The following PPP3CA variants were observed in gnomAD, a reference collection of about 807,000 sequenced individuals.
PPP3CA encodes the protein CAM-PRP catalytic subunit.
A neutral mutation model predicts 66.5 loss-of-function variants in PPP3CA; 14 were observed. That is an observed-to-expected ratio of 0.21 (90% confidence interval 0.14 to 0.33). PPP3CA has a LOEUF of 0.33. PPP3CA is among the 10% of genes least tolerant of loss of function. The pLI is 1.00. For synonymous variants in PPP3CA, 232 were observed against 226.2 expected, an observed-to-expected ratio of 1.03 and a Z score of -0.23; for missense variants, 317 against 639.5, an observed-to-expected ratio of 0.50 and a Z score of 5.44.
Position 101,072,489 on chromosome 4 carries a change from C to T in PPP3CA, c.955+8043G>A, listed in dbSNP as rs1006478940. On this transcript the variant is annotated intron_variant, in intron 8 of 13. Transcript: ENST00000394854. ...TCAACCTTGGGAAAAATATGCAGTTCCTTTGTGCCCTAGATTTTCATCAAT... is the reference window on the plus strand; with the variant it reads ...TCAACCTTGGGAAAAATATGCAGTTTCTTTGTGCCCTAGATTTTCATCAAT... 9.9e-5 allele frequency among the ~76,000 whole-genome samples: 15 copies of T among 152,098 alleles called. 1 individual carries two copies. The highest frequency in any genetic ancestry group is 7.2e-4 in the Admixed American group (11 of 15,272).
At chr4:101,150,105 T>G (rs1185200074) in intron 2 of PPP3CA, among the ~76,000 whole-genome samples, 1 of 152,116 alleles carries the variant, frequency 6.6e-6, no homozygotes, top group Non-Finnish European at 1.5e-5. Context: ...ATAATATACA[T>G]ACTTTCACCC....
intron 6 of PPP3CA, among the ~76,000 whole-genome samples, chr4:101,085,857 C>G (rs201969225): frequency 0.015 from 1,711 of 110,562 alleles, 26 homozygotes; most frequent in Middle Eastern, 0.057. Context: ...CACACACACA[C>G]AGAGAGAGAG....
In PPP3CA at chr4:101,247,887, C is replaced by CTATA. The variant is rs541679352; in HGVS notation, c.59-51775_59-51772dup. Among the ~76,000 whole-genome samples, 1,033 of 151,496 alleles carry CTATA rather than the reference C, an allele frequency of 6.8e-3. 9 individuals carry two copies. The highest frequency in any genetic ancestry group is 0.024 in the African/African-American group (986 of 41,300). ...CACTGCCTGAAGAGGGACAAAAAAC[C>CTATA]TATATATATATACACACACACACAC... On this transcript the variant is annotated intron_variant, in intron 1 of 13. Transcript: ENST00000394854.
chr4:101,245,071 T>C (rs2110237921), intron 1 of PPP3CA, among the ~76,000 whole-genome samples: 1 of 152,296 alleles, frequency 6.6e-6, no homozygotes, highest in South Asian at 2.1e-4. Flanking sequence ...GAATAGTTTT[T>C]CCATACTAGT....
At chr4:101,111,087 T>C (rs1490372450) in intron 2 of PPP3CA, among the ~76,000 whole-genome samples, 1 of 152,230 alleles carries the variant, frequency 6.6e-6, no homozygotes, top group Non-Finnish European at 1.5e-5. Flanking sequence ...CTTCTACCTA[T>C]GTATCTATTG....
chr4:101,057,166 T>C (rs1344420792), intron 10 of PPP3CA, among the ~76,000 whole-genome samples: 1 of 152,082 alleles, frequency 6.6e-6, no homozygotes, highest in Admixed American at 6.6e-5. Context: ...GCGATTCTTG[T>C]GCCTCAGCCT....
In PPP3CA at chr4:101,339,792, T is replaced by C. The variant is rs943139277; in HGVS notation, c.58+6947A>G. On this transcript the variant is annotated intron_variant, in intron 1 of 13. Coordinates refer to ENST00000394854, the MANE Select transcript of PPP3CA (RefSeq NM_000944.5). ...TCCAAACTAAAACTCTGAATACAAA[T>C]ATTAACAATTTTATGCAACTTCCAA... Among the ~76,000 whole-genome samples the C allele has an allele frequency of 2.0e-5, 3 of 152,174 alleles. No individual in the cohort carries two copies. In the South Asian group the frequency reaches 6.2e-4, roughly 32 times the overall value.
rs17030863 is a variant in PPP3CA, at chr4:101,173,144, C to T, written c.259+22772G>A. Among the ~76,000 whole-genome samples, 1,249 of 152,256 alleles carry T rather than the reference C, an allele frequency of 8.2e-3. 17 individuals are homozygous for T. The highest frequency in any genetic ancestry group is 0.029 in the African/African-American group (1,200 of 41,548). On this transcript the variant is annotated intron_variant, in intron 2 of 13. Transcript: ENST00000394854. ...ACAGCCCAGATTCTAAAGACAGATTCTGGGCACTGACAGTGGCTTTTAGGG... is the reference window on the plus strand; with the variant it reads ...ACAGCCCAGATTCTAAAGACAGATTTTGGGCACTGACAGTGGCTTTTAGGG...
At chr4:101,111,351 G>T (rs10516473) in intron 2 of PPP3CA, among the ~76,000 whole-genome samples, 14,097 of 152,176 alleles carry the variant, frequency 0.093, 909 homozygotes, top group South Asian at 0.19. Flanking sequence ...GTCAATGGGT[G>T]TGACGCTGAC....
At chr4:101,129,250 G>C (rs1316268637) in intron 2 of PPP3CA, among the ~76,000 whole-genome samples, 1 of 152,142 alleles carries the variant, frequency 6.6e-6, no homozygotes, top group African/African-American at 2.4e-5. Flanking sequence ...GCCCCAGTCA[G>C]GGGCTTATAG....
chr4:101,246,740 T>C (rs1205710769), intron 1 of PPP3CA, among the ~76,000 whole-genome samples: 2 of 152,148 alleles, frequency 1.3e-5, no homozygotes, highest in East Asian at 3.9e-4. Context: ...TATATATGCA[T>C]ATATATGATA....
intron 8 of PPP3CA, among the ~76,000 whole-genome samples, chr4:101,073,466 G>A (rs757507529): frequency 9.2e-5 from 14 of 151,904 alleles, no homozygotes; most frequent in South Asian, 6.2e-4. Flanking sequence ...TAGTACAGAC[G>A]GGGTTTCACC....
intron 1 of PPP3CA, among the ~76,000 whole-genome samples, chr4:101,322,860 G>C (rs1436782617): frequency 6.6e-6 from 1 of 152,038 alleles, no homozygotes; most frequent in Non-Finnish European, 1.5e-5. Context: ...GTAATATTTA[G>C]TTAATATCAC....
At chr4:101,274,663 T>C (rs1044037531) in intron 1 of PPP3CA, among the ~76,000 whole-genome samples, 6 of 152,204 alleles carry the variant, frequency 3.9e-5, no homozygotes, top group Admixed American at 3.3e-4. Context: ...ATGAAAGTCA[T>C]GGATTACATA....
chr4:101,148,283 A>G (rs1407093974), intron 2 of PPP3CA, among the ~76,000 whole-genome samples: 2 of 152,138 alleles, frequency 1.3e-5, no homozygotes, highest in Non-Finnish European at 2.9e-5. Context: ...TACATATATG[A>G]TTTAAAATAA....
chr4:101,198,156 G>A (rs929323329), intron 1 of PPP3CA, among the ~76,000 whole-genome samples: 1 of 152,118 alleles, frequency 6.6e-6, no homozygotes, highest in African/African-American at 2.4e-5. Flanking sequence ...AGAAAAAGAG[G>A]AAATTAGGTC....
At chr4:101,061,296 C>T (rs2110225167) in intron 9 of PPP3CA, 135 bp from the exon 10 acceptor site, 3 of 696,250 alleles carry the variant, frequency 4.3e-6, no homozygotes, top group Non-Finnish European at 7.4e-6. Flanking sequence ...TTTCAGTAAA[C>T]ATCCAGATCA....
chr4:101,110,675 T>G (rs2110264953), intron 2 of PPP3CA, among the ~76,000 whole-genome samples: 1 of 152,304 alleles, frequency 6.6e-6, no homozygotes, highest in African/African-American at 2.4e-5. Context: ...TTATAAATAA[T>G]TTTTTTATTC....
chr4:101,142,414 C>T (rs1034053545), intron 2 of PPP3CA, among the ~76,000 whole-genome samples: 1 of 152,184 alleles, frequency 6.6e-6, no homozygotes, highest in Non-Finnish European at 1.5e-5. Context: ...AAGCTAAATA[C>T]AGCCCAAAGC....
Sources: allele counts gnomAD v4.1 joint callset (sites outside exome capture counted in the v4.1 genomes callset), GRCh38; gene constraint gnomAD v4.1.1; transcripts MANE v1.5; gene names NCBI Gene and HGNC (gene_info 2026-07-23, HGNC 2026-07-21).